Variants in KLRD1 observed in about 807,000 individuals in gnomAD.
KLRD1 encodes natural killer cells antigen CD94.
Under a neutral mutation model 22.6 loss-of-function variants are expected in KLRD1, and 21 were observed. The observed-to-expected ratio is 0.93, with a 90% CI of 0.66 to 1.34. The LOEUF (loss-of-function observed/expected upper bound fraction) is 1.34, where lower values mean the gene tolerates loss of function less well. KLRD1 is among the 40% of genes most tolerant of loss of function. The pLI is 0.00. For missense variants in KLRD1, 183 were observed against 208.6 expected (o/e 0.88, Z 0.76); for synonymous variants, 59 against 71.1 (o/e 0.83, Z 0.85).
chr12:10,307,894 C>T lies in KLRD1; in HGVS notation c.-184C>T. On this transcript the variant is annotated 5_prime_UTR_variant, in exon 1 of 6. Transcript: ENST00000336164. ...TATTCACACTATAATACATGTCTCA[C>T]CAATAGATGATTCAAGAACATCATT... 3.3e-6 allele frequency: 2 copies of T among 610,982 alleles called. No individual in the cohort carries two copies. Among genetic ancestry groups the T allele is most frequent in the South Asian group, 2.0e-5 (1 of 50,982 alleles). 37.8% of individuals were successfully genotyped at this position (610,982 alleles called of 1,614,324 possible).
At chr12:10,312,849 T>C (rs534651889) in intron 4 of KLRD1, among the ~76,000 whole-genome samples, 110 of 150,948 alleles carry the variant, frequency 7.3e-4, no homozygotes, top group African/African-American at 2.5e-3. Context: ...TAGCCGGGCG[T>C]GGTGGCGGGC....
At position 10,314,836 on chromosome 12, in the gene KLRD1, T is replaced by C. The variant is rs1238056775; in HGVS notation, c.*43T>C. The C allele has an allele frequency of 2.6e-6, 4 of 1,546,578 alleles. No individual in the cohort carries two copies. Among genetic ancestry groups the C allele is most frequent in the East Asian group, 4.6e-5 (2 of 43,954 alleles). The stretch of plus-strand genomic sequence containing the variant: ...GAAGGTGGAGAGTAAAGACCCAACA[T>C]TACTAACAATGATACAGTTGCATGT... On this transcript the variant is annotated 3_prime_UTR_variant, in exon 6 of 6. Coordinates refer to ENST00000336164, the MANE Select transcript of KLRD1 (RefSeq NM_002262.5).
At chr12:10,239,434 T>TTTCCTTCCTTCCTTCCTTCC (rs1190408287) in intron 1 of KLRD1, among the ~76,000 whole-genome samples, 19 of 41,442 alleles carry the variant, frequency 4.6e-4, no homozygotes, top group Non-Finnish European at 7.9e-4. Flanking sequence ...CCTTCCTTCC[T>TTTCCTTCCTTCCTTCCTTCC]TTCCTTCCTT....
chr12:10,245,217 G>A (rs148945338), intron 1 of KLRD1, among the ~76,000 whole-genome samples: 15 of 152,196 alleles, frequency 9.9e-5, no homozygotes, highest in Non-Finnish European at 2.1e-4. Context: ...AATTAGCAGG[G>A]CATGGTGACA....
chr12:10,243,607 CAAAAAAAA>C (rs34864670), intron 1 of KLRD1, among the ~76,000 whole-genome samples: 2 of 28,794 alleles, frequency 6.9e-5, no homozygotes, highest in African/African-American at 2.0e-4. Context: ...AGTGAGACTC[CAAAAAAAA>C]AAAAAAAAAA....
At chr12:10,260,979 T>A (rs11053718) in intron 1 of KLRD1, among the ~76,000 whole-genome samples, 10,222 of 37,454 alleles carry the variant, frequency 0.27, 897 homozygotes, top group African/African-American at 0.32. Flanking sequence ...AAAAAAAAAT[T>A]TTTTTGAGGT....
intron 4 of KLRD1, among the ~76,000 whole-genome samples, chr12:10,312,090 T>C (rs1466684681): frequency 6.7e-6 from 1 of 149,800 alleles, no homozygotes; most frequent in Non-Finnish European, 1.5e-5. Flanking sequence ...TTTTACTCTG[T>C]TGCCCAGGCT....
At chr12:10,247,724 C>G (rs1949305273) in intron 1 of KLRD1, among the ~76,000 whole-genome samples, 1 of 152,040 alleles carries the variant, frequency 6.6e-6, no homozygotes, top group African/African-American at 2.4e-5. Flanking sequence ...GCAGTTGCAC[C>G]CATGCTATTC....
At chr12:10,301,187 T>G (rs1949863128), upstream of KLRD1, among the ~76,000 whole-genome samples, 1 of 152,236 alleles carries the variant, frequency 6.6e-6, no homozygotes, top group Non-Finnish European at 1.5e-5. Flanking sequence ...TTGACTCATT[T>G]CTGTGTAGCC....
At chr12:10,290,172 C>T (rs928376102) in intron 1 of KLRD1, among the ~76,000 whole-genome samples, 1 of 152,136 alleles carries the variant, frequency 6.6e-6, no homozygotes, top group Non-Finnish European at 1.5e-5. Flanking sequence ...AATATAACTG[C>T]AAAGGCATTG....
chr12:10,314,634 T>C, intron 5 of KLRD1, 39 bp from the exon 6 acceptor site: 3 of 1,506,108 alleles, frequency 2.0e-6, no homozygotes, highest in African/African-American at 1.4e-5. Context: ...CATTCTTACT[T>C]CCTTTTTGTG....
At chr12:10,269,780 A>T (rs1049580317) in intron 1 of KLRD1, among the ~76,000 whole-genome samples, 3 of 151,952 alleles carry the variant, frequency 2.0e-5, no homozygotes, top group Non-Finnish European at 4.4e-5. Context: ...ATTTTTAAAG[A>T]ACTTCTTCAT....
chr12:10,304,220 G>A (rs1949891574), upstream of KLRD1, among the ~76,000 whole-genome samples: 1 of 152,094 alleles, frequency 6.6e-6, no homozygotes, highest in African/African-American at 2.4e-5. Flanking sequence ...TTTCCCCTTA[G>A]GACACACTCT....
At chr12:10,296,244 C>T (rs563754238) in intron 1 of KLRD1, among the ~76,000 whole-genome samples, 4 of 152,156 alleles carry the variant, frequency 2.6e-5, no homozygotes, top group Non-Finnish European at 5.9e-5. Flanking sequence ...AGGCCGGGCA[C>T]AGTGGCTCAT....
intron 1 of KLRD1, among the ~76,000 whole-genome samples, chr12:10,279,798 C>T (rs1455979876): frequency 6.6e-6 from 1 of 152,166 alleles, no homozygotes; most frequent in African/African-American, 2.4e-5. Context: ...ATTCCTCCCT[C>T]TTTCCTCTTC....
chr12:10,284,198 G>A (rs7960355), intron 1 of KLRD1, among the ~76,000 whole-genome samples: 146,981 of 151,722 alleles, frequency 0.97, 71,237 homozygotes, highest in South Asian at 1. Context: ...AAAAACAACA[G>A]TAACAACAAC....
At chr12:10,243,607 C>CAAAAAAAAAAAAAAAAAAAA (rs34864670) in intron 1 of KLRD1, among the ~76,000 whole-genome samples, 1 of 28,810 alleles carries the variant, frequency 3.5e-5, no homozygotes, top group African/African-American at 2.0e-4. Context: ...AGTGAGACTC[C>CAAAAAAAAAAAAAAAAAAAA]AAAAAAAAAA....
In KLRD1 at chr12:10,315,087, ACATTCT is replaced by A; in HGVS notation, c.*295_*300del. 3.9e-6 allele frequency: 1 copy of A among 257,804 alleles called. No individual in the cohort carries two copies. Among genetic ancestry groups the A allele is most frequent in the South Asian group, 4.6e-5 (1 of 21,974 alleles). 16.0% of individuals were successfully genotyped at this position (257,804 alleles called of 1,614,324 possible). On this transcript the variant is annotated 3_prime_UTR_variant, in exon 6 of 6. Transcript: ENST00000336164. ...ATTACACATTTATGTAATTTTATTTACATTCTTGCTAATTCTCAGCAGAAATTTAAA... is the reference window on the plus strand; with the variant it reads ...ATTACACATTTATGTAATTTTATTTATGCTAATTCTCAGCAGAAATTTAAA...
chr12:10,291,698 A>G lies in KLRD1; in HGVS notation c.-100-16280A>G, dbSNP rs138222625. On this transcript the variant is annotated intron_variant, in intron 1 of 5. Transcript: ENST00000544747. ...GTGCAGGTTTGTTACATAGGTATACATGTGCCATGGTGGTTTGCTACACCT... is the reference window on the plus strand; with the variant it reads ...GTGCAGGTTTGTTACATAGGTATACGTGTGCCATGGTGGTTTGCTACACCT... 3.4e-3 allele frequency among the ~76,000 whole-genome samples: 509 copies of G among 151,352 alleles called. 3 individuals are homozygous for G. The highest frequency in any genetic ancestry group is 0.012 in the African/African-American group (478 of 41,186).
Sources: gnomAD v4.1 joint callset for allele counts (sites outside exome capture counted in the v4.1 genomes callset) on GRCh38, gnomAD v4.1.1 for gene constraint, MANE v1.5 for transcripts, NCBI Gene and HGNC (gene_info 2026-07-23, HGNC 2026-07-21) for gene names.